Variants in TTC39B observed in about 807,000 individuals in gnomAD.
The protein encoded by TTC39B is tetratricopeptide repeat domain 39B.
Under a neutral mutation model 96.6 loss-of-function variants are expected in TTC39B, and 92 were observed. The observed-to-expected ratio is 0.95, with a 90% CI of 0.80 to 1.13. The LOEUF is 1.13. Ranked by LOEUF, TTC39B falls within the 50% of genes most tolerant of loss-of-function variation. The pLI is 0.00. For missense variants in TTC39B, 955 were observed against 809.3 expected (o/e 1.18, Z -2.18); for synonymous variants, 367 against 299.4 (o/e 1.23, Z -2.33).
At chr9:15,186,284 A>C (rs1330526191) in intron 15 of TTC39B, among the ~76,000 whole-genome samples, 2 of 152,198 alleles carry the variant, frequency 1.3e-5, no homozygotes, top group Non-Finnish European at 2.9e-5. Flanking sequence ...CATTACCGTC[A>C]GTGGAAAAGG....
intron 5 of TTC39B, among the ~76,000 whole-genome samples, 160 bp downstream of exon 5, chr9:15,211,106 G>C (rs150321533): frequency 5.3e-5 from 8 of 150,904 alleles, no homozygotes; most frequent in African/African-American, 7.3e-5. Context: ...GGAATATGTA[G>C]ATGCCAAATG....
intron 1 of TTC39B, among the ~76,000 whole-genome samples, chr9:15,276,137 C>T (rs1044439859): frequency 2.6e-5 from 4 of 152,166 alleles, no homozygotes; most frequent in Non-Finnish European, 4.4e-5. Context: ...AGTAGGACAT[C>T]TTACTTAGCC....
At position 15,300,857 on chromosome 9, in the gene TTC39B, A is replaced by C. The variant is rs140656665; in HGVS notation, c.240+6227T>G. ...CAGTGAGCCGAGATCCCACTACTTC[A>C]CTCCAGCCTGGGTGAAAGAGTAAAA... On this transcript the variant is annotated intron_variant, in intron 1 of 19. Transcript: ENST00000512701. 4.1e-3 allele frequency among the ~76,000 whole-genome samples: 486 copies of C among 119,840 alleles called. 1 individual carries two copies. Among genetic ancestry groups the C allele is most frequent in the Admixed American group, 5.7e-3 (45 of 7,932 alleles). 78.6% of individuals were successfully genotyped at this position (119,840 alleles called of 152,430 possible).
chr9:15,258,126 T>C (rs12338912), intron 2 of TTC39B, among the ~76,000 whole-genome samples: 27,157 of 151,862 alleles, frequency 0.18, 3,413 homozygotes, highest in African/African-American at 0.36. Context: ...GTTGGAAAAG[T>C]AGAGGGAGAG....
chr9:15,225,039 C>G lies in TTC39B; in HGVS notation c.371+878G>C, dbSNP rs541724211. Among the ~76,000 whole-genome samples the G allele has an allele frequency of 5.7e-4, 87 of 152,214 alleles. 3 individuals carry two copies. In the South Asian group the frequency reaches 0.018, roughly 31 times the overall value. ...TAAGGATGGATGAAAAGTACTTTCT[C>G]ATGTACTAGAACAGCTTTAACAGAG... On this transcript the variant is annotated intron_variant, in intron 3 of 19. Transcript: ENST00000512701.
At chr9:15,226,316 C>T (rs1201387588) in intron 2 of TTC39B, among the ~76,000 whole-genome samples, 1 of 152,074 alleles carries the variant, frequency 6.6e-6, no homozygotes, top group East Asian at 1.9e-4. Context: ...GGTTTTTTCC[C>T]AAGTAAATCT....
intron 3 of TTC39B, among the ~76,000 whole-genome samples, chr9:15,222,300 C>T (rs1343827343): frequency 6.6e-6 from 1 of 152,156 alleles, no homozygotes; most frequent in Non-Finnish European, 1.5e-5. Flanking sequence ...ATACACATAG[C>T]ATAAAATTAT....
At chr9:15,274,789 AT>A (rs1213470932) in intron 1 of TTC39B, among the ~76,000 whole-genome samples, 2 of 152,182 alleles carry the variant, frequency 1.3e-5, no homozygotes, top group African/African-American at 4.8e-5. Flanking sequence ...ATTTTTTTAG[AT>A]TTTTTTAATA....
chr9:15,184,750 C>T (rs1183336654), intron 16 of TTC39B, among the ~76,000 whole-genome samples: 1 of 152,176 alleles, frequency 6.6e-6, no homozygotes, highest in African/African-American at 2.4e-5. Context: ...AAAAGACACA[C>T]TAAATTTCTA....
intron 2 of TTC39B, among the ~76,000 whole-genome samples, chr9:15,240,377 A>C (rs1821984097): frequency 6.6e-6 from 1 of 152,240 alleles, no homozygotes; most frequent in Non-Finnish European, 1.5e-5. Context: ...GATAAACTAG[A>C]TAAACTTCTC....
At chr9:15,254,654 A>C (rs1480849114) in intron 2 of TTC39B, among the ~76,000 whole-genome samples, 1 of 152,116 alleles carries the variant, frequency 6.6e-6, no homozygotes, top group East Asian at 1.9e-4. Flanking sequence ...TATCGTTTAA[A>C]ATACACTTTT....
At chr9:15,304,881 A>C (rs1393688581) in intron 1 of TTC39B, among the ~76,000 whole-genome samples, 1 of 152,082 alleles carries the variant, frequency 6.6e-6, no homozygotes, top group Non-Finnish European at 1.5e-5. Context: ...TCAGCTGTTT[A>C]CACACATAAG....
chr9:15,247,996 C>G (rs1822360454), intron 2 of TTC39B, among the ~76,000 whole-genome samples: 1 of 152,174 alleles, frequency 6.6e-6, no homozygotes, highest in Admixed American at 6.5e-5. Context: ...CTGAGTTAGT[C>G]TTTGTGCACC....
At chr9:15,181,666 C>A (rs1818256604) in intron 17 of TTC39B, among the ~76,000 whole-genome samples, 1 of 152,260 alleles carries the variant, frequency 6.6e-6, no homozygotes, top group South Asian at 2.1e-4. Context: ...GAAAACTATT[C>A]CCTGTGTCTG....
At chr9:15,191,922 A>G (rs1053183123) in intron 9 of TTC39B, among the ~76,000 whole-genome samples, 1 of 152,180 alleles carries the variant, frequency 6.6e-6, no homozygotes, top group African/African-American at 2.4e-5. Context: ...AGAAAATGTA[A>G]AGATATTTGT....
intron 18 of TTC39B, among the ~76,000 whole-genome samples, chr9:15,175,510 A>G (rs1340082387): frequency 2.6e-5 from 4 of 152,096 alleles, no homozygotes; most frequent in Non-Finnish European, 5.9e-5. Flanking sequence ...CTAAGGTTCA[A>G]CTCCCTTTGT....
At chr9:15,277,614 T>C (rs1336606996) in intron 1 of TTC39B, among the ~76,000 whole-genome samples, 2 of 152,130 alleles carry the variant, frequency 1.3e-5, no homozygotes, top group Admixed American at 6.5e-5. Flanking sequence ...CAGTGAGACC[T>C]TGGCCAACAC....
At chr9:15,271,974 T>C (rs983502391) in intron 1 of TTC39B, among the ~76,000 whole-genome samples, 7 of 152,200 alleles carry the variant, frequency 4.6e-5, no homozygotes, top group African/African-American at 1.4e-4. Flanking sequence ...GTTTCCTGCA[T>C]CCTTGGGAAA....
chr9:15,304,100 T>C (rs920125064), intron 1 of TTC39B, among the ~76,000 whole-genome samples: 1 of 152,224 alleles, frequency 6.6e-6, no homozygotes, highest in Non-Finnish European at 1.5e-5. Flanking sequence ...ATCCTTATAT[T>C]TGAGGGCCAA....
Sources: gnomAD v4.1 joint callset for allele counts (sites outside exome capture counted in the v4.1 genomes callset) on GRCh38, gnomAD v4.1.1 for gene constraint, MANE v1.5 for transcripts, NCBI Gene and HGNC (gene_info 2026-07-23, HGNC 2026-07-21) for gene names.